Variants in GPHN observed in about 807,000 individuals in gnomAD.
The protein encoded by GPHN is gephyrin.
Under a neutral mutation model 95.5 loss-of-function variants are expected in GPHN, and 17 were observed. The observed-to-expected ratio is 0.18, with a 90% confidence interval of 0.12 to 0.27. The LOEUF (loss-of-function observed/expected upper bound fraction) is 0.27. Among genes scored for constraint, GPHN ranks in the 10% least tolerant of loss-of-function variants. GPHN has a pLI of 1.00. For missense variants in GPHN, 660 were observed against 978.1 expected, an observed-to-expected ratio of 0.67 and a Z score of 4.34; for synonymous variants, 320 against 322.5, an observed-to-expected ratio of 0.99 and a Z score of 0.08.
At chr14:66,623,334 A>C (rs564518098) in intron 1 of GPHN, among the ~76,000 whole-genome samples, 1 of 152,294 alleles carries the variant, frequency 6.6e-6, no homozygotes, top group South Asian at 2.1e-4. Flanking sequence ...TGTAGGAGTT[A>C]CAATTGAGGA....
chr14:67,127,130 C>T (rs994628833), intron 17 of GPHN, among the ~76,000 whole-genome samples: 1 of 150,700 alleles, frequency 6.6e-6, no homozygotes, highest in African/African-American at 2.4e-5. Flanking sequence ...GGAGGGATAG[C>T]ATCGGGAGAT....
At chr14:66,548,033 G>C (rs2059664323) in intron 1 of GPHN, among the ~76,000 whole-genome samples, 1 of 151,664 alleles carries the variant, frequency 6.6e-6, no homozygotes, top group Non-Finnish European at 1.5e-5. Context: ...CAGCAGACTT[G>C]TTGGTATCAT....
intron 1 of GPHN, among the ~76,000 whole-genome samples, chr14:66,621,251 A>C (rs953048216): frequency 6.7e-6 from 1 of 150,098 alleles, no homozygotes; most frequent in Non-Finnish European, 1.5e-5. Context: ...CTGGGATTAC[A>C]GGCATGAGCC....
chr14:66,708,257 C>T (rs1260854856), intron 2 of GPHN, among the ~76,000 whole-genome samples: 6 of 151,728 alleles, frequency 4.0e-5, no homozygotes, highest in African/African-American at 7.2e-5. Context: ...AAGTCCCTTT[C>T]GGCATATCTT....
chr14:66,932,502 G>A (rs1434253623), intron 8 of GPHN, among the ~76,000 whole-genome samples: 1 of 116,892 alleles, frequency 8.6e-6, no homozygotes, highest in African/African-American at 3.4e-5. Context: ...GTCCCCTTCT[G>A]GCCCAAGGTG....
chr14:66,596,210 A>G (rs1363671072), intron 1 of GPHN, among the ~76,000 whole-genome samples: 2 of 151,934 alleles, frequency 1.3e-5, no homozygotes, highest in Non-Finnish European at 2.9e-5. Flanking sequence ...TGGGCTTCAG[A>G]GGGGAGGAAG....
the GPHN span, among the ~76,000 whole-genome samples, chr14:67,260,407 T>C: frequency 6.6e-6 from 1 of 152,184 alleles, no homozygotes; most frequent in South Asian, 2.1e-4. Context: ...AAAAAATATT[T>C]GTATATAGCA....
chr14:67,474,067 C>T, the GPHN span: 1 of 1,043,708 alleles, frequency 9.6e-7, no homozygotes, highest in Non-Finnish European at 1.3e-6. Flanking sequence ...GCCTGGCCAT[C>T]ATGGTGAAAC....
chr14:67,248,204 TA>T, the GPHN span, among the ~76,000 whole-genome samples: 1 of 152,196 alleles, frequency 6.6e-6, no homozygotes, highest in Non-Finnish European at 1.5e-5. Flanking sequence ...TTTGGATTTT[TA>T]AAAACTAATA....
chr14:67,505,088 C>T, the GPHN span, among the ~76,000 whole-genome samples: 4 of 152,052 alleles, frequency 2.6e-5, no homozygotes, highest in Non-Finnish European at 4.4e-5. Context: ...CAGATGAACA[C>T]CAAGGTGCAC....
At chr14:67,094,601 C>T (rs995779605) in intron 12 of GPHN, among the ~76,000 whole-genome samples, 6 of 152,062 alleles carry the variant, frequency 3.9e-5, no homozygotes, top group Admixed American at 6.6e-5. Flanking sequence ...ATCATGCCTC[C>T]GCTTCTGCCC....
chr14:67,476,357 C>T, the GPHN span, among the ~76,000 whole-genome samples: 17,638 of 152,082 alleles, frequency 0.12, 1,241 homozygotes, highest in Non-Finnish European at 0.15. Context: ...GAGGCTGAGG[C>T]GGGTGGATCA....
chr14:67,277,634 G>T, the GPHN span, among the ~76,000 whole-genome samples: 1 of 152,040 alleles, frequency 6.6e-6, no homozygotes, highest in African/African-American at 2.4e-5. Flanking sequence ...TAATGTGTGG[G>T]TTTACACATA....
chr14:67,651,152 A>AAAG, the GPHN span: 1 of 955,606 alleles, frequency 1.0e-6, no homozygotes, highest in South Asian at 1.7e-5. Flanking sequence ...ATGTAAATTT[A>AAAG]AAGAAGTCAT....
At chr14:66,888,310 A>G (rs917783351) in intron 5 of GPHN, among the ~76,000 whole-genome samples, 8 of 152,212 alleles carry the variant, frequency 5.3e-5, no homozygotes, top group African/African-American at 1.4e-4. Flanking sequence ...GACAGAGTCC[A>G]GAGGGGAAAA....
chr14:67,707,725 T>G, the GPHN span, among the ~76,000 whole-genome samples: 2 of 152,236 alleles, frequency 1.3e-5, no homozygotes, highest in Non-Finnish European at 1.5e-5. Context: ...CAGATAAGAC[T>G]TCTTTAAAGC....
chr14:67,593,069 G>A, the GPHN span, among the ~76,000 whole-genome samples: 1 of 152,250 alleles, frequency 6.6e-6, no homozygotes, highest in African/African-American at 2.4e-5. Flanking sequence ...TTACAGGCGT[G>A]AGCCACCACA....
intron 1 of GPHN, among the ~76,000 whole-genome samples, chr14:66,591,086 G>A (rs2061623017): frequency 6.6e-6 from 1 of 152,078 alleles, no homozygotes; most frequent in Admixed American, 6.6e-5. Flanking sequence ...TGCAGAAAAG[G>A]CCTCCGATAA....
At chr14:66,904,520 A>G (rs2065277927) in intron 5 of GPHN, among the ~76,000 whole-genome samples, 1 of 152,162 alleles carries the variant, frequency 6.6e-6, no homozygotes, top group South Asian at 2.1e-4. Context: ...TTCTAGCTAC[A>G]GAGTACTGAC....
Sources: gnomAD v4.1 joint callset for allele counts (sites outside exome capture counted in the v4.1 genomes callset) on GRCh38, gnomAD v4.1.1 for gene constraint, MANE v1.5 for transcripts, NCBI Gene and HGNC (gene_info 2026-07-23, HGNC 2026-07-21) for gene names.